Variants in TAF3 observed in about 807,000 individuals in gnomAD.
The protein encoded by TAF3 is transcription initiation factor TFIID subunit 3.
A neutral mutation model predicts 80.6 loss-of-function variants in TAF3; 7 were observed. The ratio of observed to expected loss-of-function variants is 0.09; its 90% CI spans 0.05 to 0.16. The LOEUF (loss-of-function observed/expected upper bound fraction) is 0.16, where lower values mean the gene tolerates loss of function less well. Among genes scored for constraint, TAF3 ranks in the 10% least tolerant of loss-of-function variants. The pLI is 1.00. For missense variants in TAF3, 921 were observed against 1,140.2 expected (o/e 0.81, Z 2.77); for synonymous variants, 444 against 446.1 (o/e 1.00, Z 0.06).
intron 4 of TAF3, among the ~76,000 whole-genome samples, chr10:7,984,071 C>T (rs1008909507): frequency 6.6e-6 from 1 of 152,066 alleles, no homozygotes; most frequent in Non-Finnish European, 1.5e-5. Flanking sequence ...GAGTTTGATA[C>T]GTCATTCTTG....
At chr10:7,998,683 ACAGAAAT>A (rs1396622813) in intron 4 of TAF3, among the ~76,000 whole-genome samples, 1 of 152,016 alleles carries the variant, frequency 6.6e-6, no homozygotes, top group Non-Finnish European at 1.5e-5. Flanking sequence ...TACTAAAAAT[ACAGAAAT>A]CAGCCGGGTG....
chr10:7,949,877 G>A (rs10905258), intron 2 of TAF3, among the ~76,000 whole-genome samples: 7,007 of 152,292 alleles, frequency 0.046, 277 homozygotes, highest in Admixed American at 0.11. Context: ...TTCACCCATC[G>A]GCAGGCAGTG....
At chr10:7,947,226 C>T (rs1481888326) in intron 2 of TAF3, among the ~76,000 whole-genome samples, 1 of 152,216 alleles carries the variant, frequency 6.6e-6, no homozygotes, top group African/African-American at 2.4e-5. Flanking sequence ...TGGTTCTCTG[C>T]TCTGCTGTGC....
chr10:7,872,531 A>C (rs965108008), intron 2 of TAF3, among the ~76,000 whole-genome samples: 1 of 152,212 alleles, frequency 6.6e-6, no homozygotes, highest in Non-Finnish European at 1.5e-5. Flanking sequence ...GCTCTGAGCA[A>C]ATTACTCAAT....
chr10:7,850,247 G>A (rs551192444), intron 2 of TAF3, among the ~76,000 whole-genome samples: 1 of 152,240 alleles, frequency 6.6e-6, no homozygotes, highest in South Asian at 2.1e-4. Context: ...TCTTTTCATT[G>A]ATTTGCTTTC....
intron 2 of TAF3, among the ~76,000 whole-genome samples, chr10:7,892,073 AT>A (rs1428700962): frequency 6.6e-6 from 1 of 152,210 alleles, no homozygotes. Context: ...TTAATTATTC[AT>A]TTATTAAATA....
At chr10:8,001,860 A>T (rs1347558619) in intron 4 of TAF3, among the ~76,000 whole-genome samples, 1 of 152,224 alleles carries the variant, frequency 6.6e-6, no homozygotes. Context: ...AGTAAAGCAC[A>T]TGAACATCTG....
chr10:7,875,428 G>A (rs1242516270), intron 2 of TAF3, among the ~76,000 whole-genome samples: 1 of 151,978 alleles, frequency 6.6e-6, no homozygotes, highest in Non-Finnish European at 1.5e-5. Flanking sequence ...TCAACATTAG[G>A]TCAATTTATT....
rs1275895112 is a variant in TAF3 at position 8,015,851 on chromosome 10, GAA to G, written c.*1102_*1103del. 4 of 149,424 alleles carry G rather than the reference GAA, an allele frequency of 2.7e-5. No individual in the cohort carries two copies. Among genetic ancestry groups the G allele is most frequent in the African/African-American group, 9.8e-5 (4 of 40,742 alleles). 9.3% of individuals were successfully genotyped at this position (149,424 alleles called of 1,614,324 possible). On this transcript the variant is annotated 3_prime_UTR_variant, in exon 7 of 7. Coordinates refer to ENST00000344293, the MANE Select transcript of TAF3 (RefSeq NM_031923.4). ...TACTAAAAGGACATGTAGTTTCCAT[GAA>G]AGTAAAAAAAAAAAACAACAAAAAA... is the stretch of plus-strand genomic sequence containing the variant.
intron 2 of TAF3, among the ~76,000 whole-genome samples, chr10:7,882,544 AACATTGTAACC>A (rs1348236106): frequency 2.0e-5 from 3 of 152,362 alleles, no homozygotes; most frequent in Middle Eastern, 3.4e-3. Context: ...TTAGGGAAAT[AACATTGTAACC>A]ACAGGAAAAG....
At chr10:7,942,776 T>C (rs920738100) in intron 2 of TAF3, among the ~76,000 whole-genome samples, 2 of 152,240 alleles carry the variant, frequency 1.3e-5, no homozygotes, top group African/African-American at 4.8e-5. Flanking sequence ...GATGTTTTAG[T>C]AAAGGCAGGA....
At chr10:7,869,706 A>G (rs1408405661) in intron 2 of TAF3, among the ~76,000 whole-genome samples, 1 of 152,232 alleles carries the variant, frequency 6.6e-6, no homozygotes, top group Non-Finnish European at 1.5e-5. Context: ...CCCTCCAGAA[A>G]GGCTGTCCCA....
chr10:7,927,142 T>C (rs1837823496), intron 2 of TAF3, among the ~76,000 whole-genome samples: 2 of 152,242 alleles, frequency 1.3e-5, no homozygotes, highest in Non-Finnish European at 2.9e-5. Context: ...GAGAACACTT[T>C]CTGAGTTAAT....
intron 3 of TAF3, among the ~76,000 whole-genome samples, chr10:7,973,151 G>C (rs1831637007): frequency 6.6e-6 from 1 of 152,144 alleles, no homozygotes; most frequent in South Asian, 2.1e-4. Context: ...GAGTTGTGAA[G>C]ATAGAGTTGA....
At chr10:7,958,618 G>A (rs1838159286) in intron 2 of TAF3, among the ~76,000 whole-genome samples, 1 of 152,210 alleles carries the variant, frequency 6.6e-6, no homozygotes, top group Non-Finnish European at 1.5e-5. Context: ...TGGGGGCTGG[G>A]GTAGGAGTGG....
chr10:7,984,338 C>T (rs1466900980), intron 4 of TAF3, among the ~76,000 whole-genome samples: 1 of 152,150 alleles, frequency 6.6e-6, no homozygotes. Context: ...TTCAGAAATA[C>T]TTTTACTGCA....
intron 2 of TAF3, among the ~76,000 whole-genome samples, chr10:7,845,832 ATTTT>A (rs1836964320): frequency 6.6e-6 from 1 of 151,716 alleles, no homozygotes; most frequent in Admixed American, 6.6e-5. Flanking sequence ...GACATTTCAG[ATTTT>A]TTGTTTTTAA....
chr10:7,997,383 A>G (rs987609829), intron 4 of TAF3, among the ~76,000 whole-genome samples: 1 of 152,240 alleles, frequency 6.6e-6, no homozygotes, highest in Non-Finnish European at 1.5e-5. Flanking sequence ...AATAATGAGG[A>G]TCATTAAACT....
At chr10:7,920,165 A>C in intron 2 of TAF3, among the ~76,000 whole-genome samples, 1 of 151,962 alleles carries the variant, frequency 6.6e-6, no homozygotes, top group East Asian at 1.9e-4. Context: ...AAATGGGAGG[A>C]TCTCTTGAGT....
Sources: allele counts gnomAD v4.1 joint callset (sites outside exome capture counted in the v4.1 genomes callset), GRCh38; gene constraint gnomAD v4.1.1; transcripts MANE v1.5; gene names NCBI Gene and HGNC (gene_info 2026-07-23, HGNC 2026-07-21).